Variants in NNAT observed in about 807,000 individuals in gnomAD.
The protein encoded by NNAT is neuronatin.
In NNAT, 8 loss-of-function variants were observed where a neutral mutation model predicts 12.7. The observed-to-expected ratio is 0.63, with a 90% CI of 0.37 to 1.14. The LOEUF (loss-of-function observed/expected upper bound fraction) is 1.14. NNAT is among the 50% of genes most tolerant of loss of function. The pLI is 0.01. For synonymous variants in NNAT, 52 were observed against 48.5 expected (o/e 1.07, Z -0.30); for missense variants, 94 against 108.3 (o/e 0.87, Z 0.59).
rs1033696536 is a variant in NNAT, at chr20:37,522,749, C to G, written c.236C>G (p.Ala79Gly). Residue 79 changes from alanine to glycine, a missense_variant, in exon 3 of 3, where the codon GCC becomes GGC. Transcript: ENST00000649451. ...RQVLGERRQR[A>G]PN Reference sequence around the variant, plus strand: ...GTGTTGGGGGAGCGCAGGCAGCGAGCCCCCAACTGAGGCCCCAGCTCCCAG... The same window carrying G: ...GTGTTGGGGGAGCGCAGGCAGCGAGGCCCCAACTGAGGCCCCAGCTCCCAG... 5 of 1,603,534 alleles carry G rather than the reference C, an allele frequency of 3.1e-6. No individual in the cohort carries two copies. The South Asian group carries it at 5.6e-5, about 18-fold the overall frequency.
chr20:37,522,530 T>TGCGCCC, intron 2 of NNAT, 92 bp downstream of exon 2: 1 of 1,169,766 alleles, frequency 8.5e-7, no homozygotes. Flanking sequence ...GTGGACAAGC[T>TGCGCCC]GCGCCCGCGC....
At position 37,522,457 on chromosome 20, in the gene NNAT, T is replaced by A. The variant is rs1469086496; in HGVS notation, c.153+19T>A. ...AAGTGAGGTATACCTAAGTTGTGGG[T>A]CCAATCAGCTTGCCGCCATGCAGCT... On this transcript the variant is annotated intron_variant, in intron 2 of 2. Transcript: ENST00000649451. 1 of 1,606,970 alleles carries A rather than the reference T, an allele frequency of 6.2e-7. No homozygotes were observed. Among genetic ancestry groups the A allele is most frequent in the African/African-American group, 1.3e-5 (1 of 74,710 alleles).
In NNAT at chr20:37,521,542, C is replaced by G; in HGVS notation, c.72+139C>G. ...TCCTTGCCTGCCCAAGTGCCGCTGCCGGCACCGCGCGCCCCCTGCCCATTC... is the reference window on the plus strand; with the variant it reads ...TCCTTGCCTGCCCAAGTGCCGCTGCGGGCACCGCGCGCCCCCTGCCCATTC... On this transcript the variant is annotated intron_variant, in intron 1 of 2. Coordinates refer to ENST00000649451, the MANE Select transcript of NNAT (RefSeq NM_005386.4). This position sits in a 1 kb window ranked among gnomAD's most constrained non-coding sequence, Gnocchi z 4.5. 2 of 825,362 alleles carry G rather than the reference C, an allele frequency of 2.4e-6. No homozygotes were observed. Among genetic ancestry groups the G allele is most frequent in the East Asian group, 5.3e-5 (2 of 37,426 alleles). The allele number at this position is 825,362 out of a possible 1,614,324, so 51.1% of individuals were successfully genotyped here. A position where few individuals can be genotyped will look rare whatever the true frequency, so the allele number is the denominator to read the frequency against.
rs745626058 is a variant in NNAT at position 37,522,715 on chromosome 20, G to C, written c.202G>C (p.Gly68Arg). 2.5e-6 allele frequency: 4 copies of C among 1,611,776 alleles called. No individual in the cohort carries two copies. The Admixed American group carries it at 6.7e-5, about 27-fold the overall frequency. ...GCTGGCATACACGGTGTCGCGGACCGGGCGGCAGGTGTTGGGGGAGCGCAG... is the reference window on the plus strand; with the variant it reads ...GCTGGCATACACGGTGTCGCGGACCCGGCGGCAGGTGTTGGGGGAGCGCAG... ...QKLAYTVSRT[G>R]RQVLGERRQR... is the part of the protein sequence containing the mutation. Residue 68 changes from glycine (G) to arginine (R), a missense_variant, in exon 3 of 3, where the codon GGG (glycine) becomes CGG (arginine). Transcript: ENST00000649451.
In NNAT at chr20:37,523,544, T is replaced by C. The variant is rs1418892979; in HGVS notation, c.*785T>C. 1.3e-5 allele frequency: 2 copies of C among 152,664 alleles called. No individual in the cohort carries two copies. Among genetic ancestry groups the C allele is most frequent in the African/African-American group, 4.8e-5 (2 of 41,440 alleles). 9.5% of individuals were successfully genotyped at this position (152,664 alleles called of 1,614,324 possible). A position where few individuals can be genotyped will look rare whatever the true frequency, so the allele number is the denominator to read the frequency against. ...TTGTGGTAATCGCTAATTGTACTGA[T>C]TGTTTAAGTGTGCATTAGTTGTGTC... On this transcript the variant is annotated 3_prime_UTR_variant, in exon 3 of 3. Transcript: ENST00000649451.
rs2071559496 is a variant in NNAT at position 37,521,299 on chromosome 20, T to C, written c.-33T>C. 7 of 1,611,684 alleles carry C rather than the reference T, an allele frequency of 4.3e-6. No homozygotes were observed. The highest frequency in any genetic ancestry group is 5.9e-6 in the Non-Finnish European group (7 of 1,177,872). Reference sequence around the variant, plus strand: ...GACCAGCGGATCTCGGCAAACCCTCTTTCTCGACCACCCACCTACCATTCT... The same window carrying C: ...GACCAGCGGATCTCGGCAAACCCTCCTTCTCGACCACCCACCTACCATTCT... On this transcript the variant is annotated 5_prime_UTR_variant, in exon 1 of 3. Coordinates refer to ENST00000649451, the MANE Select transcript of NNAT (RefSeq NM_005386.4). This position sits in a 1 kb window ranked among gnomAD's most constrained non-coding sequence, Gnocchi z 4.5.
At position 37,521,927 on chromosome 20, in the gene NNAT, G is replaced by A. The variant is rs2071591419; in HGVS notation, c.73-431G>A. On this transcript the variant is annotated intron_variant, in intron 1 of 2. Coordinates refer to ENST00000649451, the MANE Select transcript of NNAT (RefSeq NM_005386.4). The surrounding 1 kb of genome is among the most constrained non-coding windows in gnomAD (Gnocchi z 4.5). ...TCGCAAAAAAAAAAAACCCTACAAC[G>A]AATTAGAGAAAAAGTAGTTCACAGG... Among the ~76,000 whole-genome samples, 1 of 147,686 alleles carries A rather than the reference G, an allele frequency of 6.8e-6. No homozygotes were observed. Among genetic ancestry groups the A allele is most frequent in the Non-Finnish European group, 1.5e-5 (1 of 67,120 alleles).
At position 37,521,337 on chromosome 20, in the gene NNAT, G is replaced by C. The variant is rs1158612264; in HGVS notation, c.6G>C (p.Ala2=). The change falls in exon 1 of 3, where the codon GCG becomes GCC. Residue 2 remains alanine (A), a synonymous_variant. Transcript: ENST00000649451. This position sits in a 1 kb window ranked among gnomAD's most constrained non-coding sequence, Gnocchi z 4.5. Reference sequence around the variant, plus strand: ...CACCTACCATTCTTGGAACCATGGCGGCAGTGGCGGCGGCCTCGGCTGAAC... The same window carrying C: ...CACCTACCATTCTTGGAACCATGGCCGCAGTGGCGGCGGCCTCGGCTGAAC... M[A]AVAAASAELL... 5.6e-6 allele frequency: 9 copies of C among 1,613,910 alleles called. No individual in the cohort carries two copies. The highest frequency in any genetic ancestry group is 6.8e-6 in the Non-Finnish European group (8 of 1,179,930).
At position 37,522,791 on chromosome 20, in the gene NNAT, C is replaced by T; in HGVS notation, c.*32C>T. The T allele has an allele frequency of 1.3e-6, 2 of 1,550,180 alleles. No homozygotes were observed. Among genetic ancestry groups the T allele is most frequent in the Non-Finnish European group, 8.7e-7 (1 of 1,144,746 alleles). On this transcript the variant is annotated 3_prime_UTR_variant, in exon 3 of 3. Transcript: ENST00000649451. ...AGCTCCCAGCCCTGGGCGGCCGTAT[C>T]ATCAGGTGCTCCTGTGCATCTCGGC...
At position 37,522,354 on chromosome 20, in the gene NNAT, C is replaced by A. The variant is rs745804240; in HGVS notation, c.73-4C>A. On this transcript the variant is annotated splice_polypyrimidine_tract_variant and splice_region_variant and intron_variant, in intron 1 of 2. Transcript: ENST00000649451. ...TGCCAAAGGAATCGCATATTTCCTT[C>A]AAGGTGTTCCTGGAATGCTGCATTT... The A allele has an allele frequency of 6.2e-7, 1 of 1,613,362 alleles. No homozygotes were observed. Among genetic ancestry groups the A allele is most frequent in the Non-Finnish European group, 8.5e-7 (1 of 1,179,474 alleles).
chr20:37,521,418 GT>G lies in NNAT; in HGVS notation c.72+18del, dbSNP rs769902524. On this transcript the variant is annotated intron_variant, in intron 1 of 2. Transcript: ENST00000649451. The surrounding 1 kb of genome is among the most constrained non-coding windows in gnomAD (Gnocchi z 4.5). Reference sequence around the variant, plus strand: ...TGCTGCTGCAGGTAAGTCTGACGGGGTTTCGGGTGGGAGAGGGTTCCCAACT... The same window carrying G: ...TGCTGCTGCAGGTAAGTCTGACGGGGTTCGGGTGGGAGAGGGTTCCCAACT... The G allele has an allele frequency of 3.1e-6, 5 of 1,613,806 alleles. No homozygotes were observed. The highest frequency in any genetic ancestry group is 3.4e-6 in the Non-Finnish European group (4 of 1,179,674).
rs2071579080 is a variant in NNAT, at chr20:37,521,637, C to T, written c.72+234C>T. ...CCTGCCAGGGAACAAAGACTCGGGGCGCGGCGGGCGACCGCTGCGGACGAT... is the reference window on the plus strand; with the variant it reads ...CCTGCCAGGGAACAAAGACTCGGGGTGCGGCGGGCGACCGCTGCGGACGAT... On this transcript the variant is annotated intron_variant, in intron 1 of 2. Coordinates refer to ENST00000649451, the MANE Select transcript of NNAT (RefSeq NM_005386.4). This position sits in a 1 kb window ranked among gnomAD's most constrained non-coding sequence, Gnocchi z 4.5. The T allele has an allele frequency of 5.6e-6, 3 of 532,568 alleles. No individual in the cohort carries two copies. Among genetic ancestry groups the T allele is most frequent in the East Asian group, 3.3e-5 (1 of 30,676 alleles). The allele number at this position is 532,568 out of a possible 1,614,324, so 33.0% of individuals were successfully genotyped here.
chr20:37,522,711 G>C lies in NNAT; in HGVS notation c.198G>C (p.Arg66=). The C allele has an allele frequency of 6.2e-7, 1 of 1,612,100 alleles. No homozygotes were observed. Among genetic ancestry groups the C allele is most frequent in the South Asian group, 1.1e-5 (1 of 90,794 alleles). ...AGAAGCTGGCATACACGGTGTCGCG[G>C]ACCGGGCGGCAGGTGTTGGGGGAGC... ...SLQKLAYTVS[R]TGRQVLGERR... The change falls in exon 3 of 3, where the codon CGG becomes CGC. Residue 66 remains arginine (R), a synonymous_variant. Transcript: ENST00000649451.
Position 37,521,400 on chromosome 20 carries a change from G to A in NNAT, c.69G>A (p.Leu23=), listed in dbSNP as rs768425262. ...IIGWYIFRVL[L]QVFLECCIYW... Reference sequence around the variant, plus strand: ...GCTGGTACATCTTCCGCGTGCTGCTGCAGGTAAGTCTGACGGGGTTTCGGG... The same window carrying A: ...GCTGGTACATCTTCCGCGTGCTGCTACAGGTAAGTCTGACGGGGTTTCGGG... The change falls in exon 1 of 3, where the codon CTG becomes CTA. Residue 23 remains leucine (L), a synonymous_variant. Coordinates refer to ENST00000649451, the MANE Select transcript of NNAT (RefSeq NM_005386.4). This position sits in a 1 kb window ranked among gnomAD's most constrained non-coding sequence, Gnocchi z 4.5. The A allele has an allele frequency of 2.5e-6, 4 of 1,614,136 alleles. No individual in the cohort carries two copies. The highest frequency in any genetic ancestry group is 3.4e-6 in the Non-Finnish European group (4 of 1,179,976).
Position 37,523,684 on chromosome 20 carries a change from A to G in NNAT, c.*925A>G, listed in dbSNP as rs3178311. 1 of 152,654 alleles carries G rather than the reference A, an allele frequency of 6.6e-6. No individual in the cohort carries two copies. The highest frequency in any genetic ancestry group is 6.5e-5 in the Admixed American group (1 of 15,280). The allele number at this position is 152,654 out of a possible 1,614,324, so 9.5% of individuals were successfully genotyped here. A position where few individuals can be genotyped will look rare whatever the true frequency, so the allele number is the denominator to read the frequency against. Reference sequence around the variant, plus strand: ...GGACCCTGCGGTGCAGTAGAGGCGCACCAAAACTTTGTCTCTTGTGATTTC... The same window carrying G: ...GGACCCTGCGGTGCAGTAGAGGCGCGCCAAAACTTTGTCTCTTGTGATTTC... On this transcript the variant is annotated 3_prime_UTR_variant, in exon 3 of 3. Transcript: ENST00000649451.
chr20:37,522,312 C>CTGCTAAAGGAATCCTT lies in NNAT; in HGVS notation c.73-42_73-27dup, dbSNP rs775469952. On this transcript the variant is annotated intron_variant, in intron 1 of 2. Coordinates refer to ENST00000649451, the MANE Select transcript of NNAT (RefSeq NM_005386.4). ...AAGCTCCCTTTGCAGGAAGAATTCCCTGCTAAAGGAATCCTTTGCCAAAGG... is the reference window on the plus strand; with the variant it reads ...AAGCTCCCTTTGCAGGAAGAATTCCCTGCTAAAGGAATCCTTTGCTAAAGGAATCCTTTGCCAAAGG... 9.8e-6 allele frequency: 15 copies of CTGCTAAAGGAATCCTT among 1,536,008 alleles called. No individual in the cohort carries two copies. The East Asian group carries it at 3.4e-4, about 35-fold the overall frequency.
Position 37,522,428 on chromosome 20 carries a change from C to A in NNAT, c.143C>A (p.Ala48Glu), listed in dbSNP as rs952227991. ...FRNPPGTQPIARSEVFRYSLQ... is the reference protein window; with the variant it reads ...FRNPPGTQPIERSEVFRYSLQ... ...AATCCTCCAGGGACACAGCCCATTG[C>A]GAGAAGTGAGGTATACCTAAGTTGT... The change falls in exon 2 of 3, where the codon GCG (alanine) becomes GAG (glutamate). Residue 48 changes from alanine to glutamate, a missense_variant. Ala to Glu is a moderately radical substitution (Grantham distance 107). Coordinates refer to ENST00000649451, the MANE Select transcript of NNAT (RefSeq NM_005386.4). The A allele has an allele frequency of 1.1e-5, 17 of 1,613,686 alleles. No individual in the cohort carries two copies. The highest frequency in any genetic ancestry group is 2.2e-5 in the East Asian group (1 of 44,850).
At chr20:37,522,177 T>G (rs2071603997) in intron 1 of NNAT, among the ~76,000 whole-genome samples, 181 bp from the exon 2 acceptor site, 1 of 15,694 alleles carries the variant, frequency 6.4e-5, no homozygotes. Flanking sequence ...GACAATTGCT[T>G]TACAAAAAAA....
At chr20:37,522,214 G>C (rs1422746402) in intron 1 of NNAT, 144 bp from the exon 2 acceptor site, 1 of 394,216 alleles carries the variant, frequency 2.5e-6, no homozygotes, top group Non-Finnish European at 4.4e-6. Context: ...AAATAAAAAA[G>C]AGGCAAAAGC....
Sources: allele counts gnomAD v4.1 joint callset (sites outside exome capture counted in the v4.1 genomes callset), GRCh38; gene constraint gnomAD v4.1.1; non-coding constraint Gnocchi (gnomAD v3.1); transcripts MANE v1.5; gene names NCBI Gene and HGNC (gene_info 2026-07-23, HGNC 2026-07-21).